The following CSMD2 variants were observed in gnomAD, a reference collection of about 807,000 sequenced individuals.
CSMD2 encodes the protein CUB and sushi domain-containing protein 2.
Under a neutral mutation model 398.5 loss-of-function variants are expected in CSMD2, and 130 were observed. The observed-to-expected ratio is 0.33, with a 90% CI of 0.28 to 0.38. CSMD2 has a LOEUF of 0.38. Among genes scored for constraint, CSMD2 ranks in the 10% least tolerant of loss-of-function variants. The pLI is 1.00. For synonymous variants in CSMD2, 1,828 were observed against 1,908.5 expected (o/e 0.96, Z 1.10); for missense variants, 3,829 against 4,764.9 (o/e 0.80, Z 5.78).
rs1478975033 is a variant in CSMD2 at position 34,028,365 on chromosome 1, A to C, written c.517+4229T>G. On this transcript the variant is annotated intron_variant, in intron 3 of 70. Transcript: ENST00000373381. The stretch of plus-strand genomic sequence containing the variant: ...ATAAGTATATTTGGGGTATACTTAC[A>C]CTAAACATTATTCCCACTTCAAAAA... Among the ~76,000 whole-genome samples, 5 of 152,312 alleles carry C rather than the reference A, an allele frequency of 3.3e-5. No individual in the cohort carries two copies. The South Asian group carries it at 6.2e-4, about 19-fold the overall frequency.
rs373893945 is a variant in CSMD2, at chr1:34,132,304, A to G, written c.187+32607T>C. ...AATAAAGCCCCGATTCACTCTTACC[A>G]TGTGACATTGTGGAATTCATCCCAG... On this transcript the variant is annotated intron_variant, in intron 1 of 70. Coordinates refer to ENST00000373381, the MANE Select transcript of CSMD2 (RefSeq NM_001281956.2). 3.0e-4 allele frequency among the ~76,000 whole-genome samples: 45 copies of G among 151,612 alleles called. 1 individual carries two copies. The South Asian group carries it at 9.2e-3, about 31-fold the overall frequency.
At position 33,749,172 on chromosome 1, in the gene CSMD2, A is replaced by C. The variant is rs1257730478; in HGVS notation, c.1847-5566T>G. ...GAGTGCAGTGGCCTGATCTCGGCTC[A>C]CTGCAGGCTCCACCCCCCCAGGTTC... On this transcript the variant is annotated intron_variant, in intron 13 of 70. Coordinates refer to ENST00000373381, the MANE Select transcript of CSMD2 (RefSeq NM_001281956.2). 2.3e-5 allele frequency among the ~76,000 whole-genome samples: 3 copies of C among 131,734 alleles called. 1 individual carries two copies. Among genetic ancestry groups the C allele is most frequent in the Non-Finnish European group, 3.0e-5 (2 of 66,050 alleles). 86.4% of individuals were successfully genotyped at this position (131,734 alleles called of 152,430 possible). A position where few individuals can be genotyped will look rare whatever the true frequency, so the allele number is the denominator to read the frequency against.
intron 3 of CSMD2, among the ~76,000 whole-genome samples, chr1:33,985,680 A>G (rs560628136): frequency 4.3e-4 from 66 of 152,286 alleles, no homozygotes; most frequent in African/African-American, 1.4e-3. Flanking sequence ...TAAGTAGGAT[A>G]ATGTATGTGA....
At chr1:33,941,205 G>A (rs1644660985) in intron 3 of CSMD2, among the ~76,000 whole-genome samples, 1 of 152,180 alleles carries the variant, frequency 6.6e-6, no homozygotes, top group Non-Finnish European at 1.5e-5. Context: ...TACAAAGCCC[G>A]ACTCTTGCCA....
chr1:33,769,120 T>C (rs942350461), intron 13 of CSMD2, among the ~76,000 whole-genome samples: 4 of 152,236 alleles, frequency 2.6e-5, no homozygotes, highest in Admixed American at 6.5e-5. Flanking sequence ...ATCAGAGTTA[T>C]TTGTATCTTC....
At chr1:33,953,478 C>T (rs1306821409) in intron 3 of CSMD2, among the ~76,000 whole-genome samples, 3 of 152,178 alleles carry the variant, frequency 2.0e-5, no homozygotes, top group Non-Finnish European at 4.4e-5. Flanking sequence ...GCCCAGCTGA[C>T]CCAGGAACCT....
chr1:34,150,487 G>A (rs1329379266), intron 1 of CSMD2, among the ~76,000 whole-genome samples: 1 of 152,078 alleles, frequency 6.6e-6, no homozygotes, highest in Non-Finnish European at 1.5e-5. Flanking sequence ...CTACTTGTGT[G>A]GTCTTAGCAA....
chr1:33,693,443 T>C (rs946556406), intron 24 of CSMD2, among the ~76,000 whole-genome samples: 5 of 152,204 alleles, frequency 3.3e-5, no homozygotes, highest in Admixed American at 6.5e-5. Flanking sequence ...AAAAAGACTA[T>C]ACAAGCGTAG....
At chr1:34,153,543 G>A (rs973951293) in intron 1 of CSMD2, among the ~76,000 whole-genome samples, 1 of 152,228 alleles carries the variant, frequency 6.6e-6, no homozygotes, top group South Asian at 2.1e-4. Context: ...TGTACACTCA[G>A]CACTGAAACT....
chr1:33,906,560 G>A (rs1643102181), intron 5 of CSMD2, among the ~76,000 whole-genome samples: 1 of 152,228 alleles, frequency 6.6e-6, no homozygotes, highest in Admixed American at 6.5e-5. Flanking sequence ...TGGCTGGTGA[G>A]AGAGAGGGAT....
rs111627615 is a variant in CSMD2 at position 33,925,976 on chromosome 1, G to T, written c.713-7675C>A. Among the ~76,000 whole-genome samples, 84 of 152,220 alleles carry T rather than the reference G, an allele frequency of 5.5e-4. 1 individual carries two copies. The highest frequency in any genetic ancestry group is 1.9e-3 in the African/African-American group (79 of 41,542). On this transcript the variant is annotated intron_variant, in intron 4 of 70. Coordinates refer to ENST00000373381, the MANE Select transcript of CSMD2 (RefSeq NM_001281956.2). Reference sequence around the variant, plus strand: ...GCCTTTAGGTCCCGATCCAAGTGCTGCTTCCTCGAGGATCTTTACAGAAAT... The same window carrying T: ...GCCTTTAGGTCCCGATCCAAGTGCTTCTTCCTCGAGGATCTTTACAGAAAT...
intron 3 of CSMD2, among the ~76,000 whole-genome samples, chr1:33,943,275 T>G (rs571455541): frequency 7.9e-5 from 12 of 152,372 alleles, no homozygotes; most frequent in Admixed American, 7.8e-4. Context: ...CCTTGTGATC[T>G]GACTGTTGCT....
At chr1:33,770,236 G>A (rs1233235542) in intron 13 of CSMD2, among the ~76,000 whole-genome samples, 1 of 152,224 alleles carries the variant, frequency 6.6e-6, no homozygotes, top group African/African-American at 2.4e-5. Flanking sequence ...TATTGGATAG[G>A]TCAGTACATG....
At chr1:33,677,333 T>C (rs922311154) in intron 25 of CSMD2, among the ~76,000 whole-genome samples, 1 of 152,222 alleles carries the variant, frequency 6.6e-6, no homozygotes, top group Non-Finnish European at 1.5e-5. Context: ...AAGAAGACAT[T>C]TATGCAGTCA....
intron 28 of CSMD2, among the ~76,000 whole-genome samples, chr1:33,648,266 G>A (rs1225488981): frequency 6.6e-6 from 1 of 151,782 alleles, no homozygotes; most frequent in Non-Finnish European, 1.5e-5. Context: ...GGAAGCTGAG[G>A]CAGGAGAATG....
chr1:33,581,825 C>A (rs1274052001), intron 47 of CSMD2, among the ~76,000 whole-genome samples: 1 of 151,924 alleles, frequency 6.6e-6, no homozygotes, highest in East Asian at 1.9e-4. Flanking sequence ...TGGAAAAGGC[C>A]CTGAATGATG....
intron 11 of CSMD2, among the ~76,000 whole-genome samples, chr1:33,789,164 G>C (rs1653916304): frequency 6.6e-6 from 1 of 152,114 alleles, no homozygotes; most frequent in African/African-American, 2.4e-5. Context: ...CATTTCTCCA[G>C]TTGGAACCCA....
chr1:33,583,075 T>C (rs1638840753), intron 47 of CSMD2, among the ~76,000 whole-genome samples: 2 of 152,222 alleles, frequency 1.3e-5, no homozygotes, highest in African/African-American at 4.8e-5. Context: ...ATTGGTTCAC[T>C]CTATTGAGGA....
chr1:33,682,522 T>C (rs777031848), intron 25 of CSMD2, among the ~76,000 whole-genome samples: 1 of 152,216 alleles, frequency 6.6e-6, no homozygotes, highest in Non-Finnish European at 1.5e-5. Flanking sequence ...ATTTCCTGGC[T>C]GAATCAACAA....
Sources: allele counts gnomAD v4.1 joint callset (sites outside exome capture counted in the v4.1 genomes callset), GRCh38; gene constraint gnomAD v4.1.1; transcripts MANE v1.5; gene names NCBI Gene and HGNC (gene_info 2026-07-23, HGNC 2026-07-21).